The following ANKRD11 variants were observed in gnomAD, a reference collection of about 807,000 sequenced individuals.
The protein encoded by ANKRD11 is ankyrin repeat domain-containing protein 11.
Under a neutral mutation model 195.7 loss-of-function variants are expected in ANKRD11, and 17 were observed. That is an observed-to-expected ratio of 0.09 (90% CI 0.06 to 0.13). The LOEUF is 0.13. ANKRD11 is among the 10% of genes least tolerant of loss of function. The pLI is 1.00. For missense variants in ANKRD11, 3,735 were observed against 3,566.1 expected, an observed-to-expected ratio of 1.05 and a Z score of -1.21; for synonymous variants, 1,953 against 1,528.1, an observed-to-expected ratio of 1.28 and a Z score of -6.49.
At chr16:89,362,102 C>A (rs138379250) in intron 2 of ANKRD11, among the ~76,000 whole-genome samples, 14 of 152,352 alleles carry the variant, frequency 9.2e-5, no homozygotes, top group Admixed American at 9.1e-4. Flanking sequence ...CAAGTTTCAA[C>A]ATGAGATACA....
chr16:89,414,036 C>T (rs1349232797), intron 2 of ANKRD11, among the ~76,000 whole-genome samples: 1 of 149,404 alleles, frequency 6.7e-6, no homozygotes, highest in African/African-American at 2.5e-5. Flanking sequence ...GCCTGCACAC[C>T]CTCCGCCACG....
intron 2 of ANKRD11, among the ~76,000 whole-genome samples, chr16:89,375,920 TTG>T (rs2040405119): frequency 6.6e-6 from 1 of 151,560 alleles, no homozygotes; most frequent in South Asian, 2.1e-4. Context: ...CTCCCAGGAG[TTG>T]TGACTTTAGG....
At chr16:89,346,108 G>A (rs2038925259) in intron 2 of ANKRD11, among the ~76,000 whole-genome samples, 1 of 151,864 alleles carries the variant, frequency 6.6e-6, no homozygotes, top group Non-Finnish European at 1.5e-5. Context: ...AATTAGCCGG[G>A]CGTGGTGCCG....
chr16:89,347,108 T>G (rs1382650109), intron 2 of ANKRD11, among the ~76,000 whole-genome samples: 3 of 151,944 alleles, frequency 2.0e-5, no homozygotes, highest in African/African-American at 7.3e-5. Context: ...CCTAGGCCCG[T>G]GGAGGTGTCT....
At chr16:89,312,373 G>A (rs1379316439) in intron 3 of ANKRD11, among the ~76,000 whole-genome samples, 1 of 152,206 alleles carries the variant, frequency 6.6e-6, no homozygotes, top group African/African-American at 2.4e-5. Context: ...GTTCTACAGA[G>A]AGGAATCACG....
At chr16:89,420,242 C>T (rs999235975) in intron 1 of ANKRD11, 1 of 152,204 alleles carries the variant, frequency 6.6e-6, no homozygotes, top group African/African-American at 2.4e-5. Context: ...GCGAGGAACC[C>T]CAGCATCGAC....
intron 2 of ANKRD11, among the ~76,000 whole-genome samples, chr16:89,390,406 G>A (rs1417415782): frequency 6.6e-6 from 1 of 152,212 alleles, no homozygotes; most frequent in Admixed American, 6.5e-5. Flanking sequence ...AACCCCGAGT[G>A]TGGCGTGGGT....
chr16:89,470,308 T>C (rs1277257447), intron 1 of ANKRD11, among the ~76,000 whole-genome samples: 2 of 152,098 alleles, frequency 1.3e-5, no homozygotes, highest in Non-Finnish European at 2.9e-5. Flanking sequence ...TCAAACCCTT[T>C]CTACAAATCC....
intron 1 of ANKRD11, among the ~76,000 whole-genome samples, chr16:89,433,859 G>C (rs1253870862): frequency 6.6e-6 from 1 of 152,226 alleles, no homozygotes; most frequent in East Asian, 1.9e-4. Context: ...GGAGAGAAAA[G>C]GGGCTGCTCT....
intron 1 of ANKRD11, among the ~76,000 whole-genome samples, chr16:89,486,169 G>T (rs564948005): frequency 6.6e-6 from 1 of 152,068 alleles, no homozygotes; most frequent in East Asian, 1.9e-4. Flanking sequence ...AAACAAAAGG[G>T]GGCTGAGCAC....
chr16:89,271,192 C>G, intron 11 of ANKRD11: 2 of 497,916 alleles, frequency 4.0e-6, no homozygotes, highest in South Asian at 4.0e-5. Flanking sequence ...AGCCCTGCCC[C>G]CAGGGGACAG....
chr16:89,374,607 G>A (rs2040339017), intron 2 of ANKRD11, among the ~76,000 whole-genome samples: 1 of 152,200 alleles, frequency 6.6e-6, no homozygotes, highest in African/African-American at 2.4e-5. Flanking sequence ...GCAACCTCAG[G>A]AGAGCTGTGG....
intron 4 of ANKRD11, chr16:89,300,822 C>G (rs933155767): frequency 8.6e-6 from 6 of 700,692 alleles, no homozygotes; most frequent in Non-Finnish European, 1.6e-5. Context: ...ATTCACAGGT[C>G]AAAGCAAAAT....
chr16:89,436,242 T>C (rs1047981508), intron 1 of ANKRD11, among the ~76,000 whole-genome samples: 1 of 151,972 alleles, frequency 6.6e-6, no homozygotes, highest in Non-Finnish European at 1.5e-5. Flanking sequence ...CGGTGAAACC[T>C]ATCTGTACTA....
At chr16:89,346,855 G>A (rs191846851) in intron 2 of ANKRD11, among the ~76,000 whole-genome samples, 1 of 152,232 alleles carries the variant, frequency 6.6e-6, no homozygotes, top group South Asian at 2.1e-4. Context: ...AAACATAAAC[G>A]AAACAAAAAG....
rs535930124 is a variant in ANKRD11, at chr16:89,348,874, A to T, written c.-59-31796T>A. ...AGGGGCTACCAGTTTTATTGTCTTTAAAAAAAAAAAAAAAACACCCAGCCG... is the reference window on the plus strand; with the variant it reads ...AGGGGCTACCAGTTTTATTGTCTTTTAAAAAAAAAAAAAAACACCCAGCCG... On this transcript the variant is annotated intron_variant, in intron 2 of 12. Coordinates refer to ENST00000301030, the MANE Select transcript of ANKRD11 (RefSeq NM_013275.6). Among the ~76,000 whole-genome samples the T allele has an allele frequency of 1.1e-3, 150 of 132,432 alleles. 6 individuals are homozygous for T. The highest frequency in any genetic ancestry group is 6.3e-3 in the Admixed American group (86 of 13,548). The allele number at this position is 132,432 out of a possible 152,430, so 86.9% of individuals were successfully genotyped here.
chr16:89,278,695 GC>G (rs1290066030), intron 9 of ANKRD11: 3 of 484,128 alleles, frequency 6.2e-6, no homozygotes, highest in African/African-American at 5.9e-5. Flanking sequence ...AGGGGGCGGG[GC>G]AGGGGCAGGA....
At chr16:89,472,193 A>G (rs527965522) in intron 1 of ANKRD11, among the ~76,000 whole-genome samples, 1 of 152,204 alleles carries the variant, frequency 6.6e-6, no homozygotes, top group African/African-American at 2.4e-5. Context: ...ACTGCCCAAT[A>G]AACACTCGCA....
At chr16:89,450,198 G>A (rs1232568268) in intron 1 of ANKRD11, among the ~76,000 whole-genome samples, 1 of 152,132 alleles carries the variant, frequency 6.6e-6, no homozygotes, top group Non-Finnish European at 1.5e-5. Flanking sequence ...CCCAAATCAA[G>A]ACCTGTGCAT....
Sources: allele counts gnomAD v4.1 joint callset (sites outside exome capture counted in the v4.1 genomes callset), GRCh38; gene constraint gnomAD v4.1.1; transcripts MANE v1.5; gene names NCBI Gene and HGNC (gene_info 2026-07-23, HGNC 2026-07-21).